Variants in GRIN3A observed in about 807,000 individuals in gnomAD.
The protein encoded by GRIN3A is glutamate receptor ionotropic, NMDA 3A.
In GRIN3A, 47 loss-of-function variants were observed where a neutral mutation model predicts 92.4. The observed-to-expected ratio is 0.51, with a 90% CI of 0.40 to 0.65. The LOEUF (loss-of-function observed/expected upper bound fraction) is 0.65. Ranked by LOEUF, GRIN3A falls within the 30% of genes least tolerant of loss-of-function variation. GRIN3A has a pLI of 0.00. For missense variants in GRIN3A, 1,324 were observed against 1,393.1 expected (o/e 0.95, Z 0.79); for synonymous variants, 527 against 540.6 (o/e 0.97, Z 0.35).
At chr9:101,574,853 GC>G (rs1021412088) in intron 8 of GRIN3A, among the ~76,000 whole-genome samples, 3 of 152,174 alleles carry the variant, frequency 2.0e-5, no homozygotes, top group Non-Finnish European at 2.9e-5. Context: ...AGAATGGCCT[GC>G]TGCATGATGG....
intron 6 of GRIN3A, among the ~76,000 whole-genome samples, chr9:101,610,673 T>G (rs1412096621): frequency 6.6e-6 from 1 of 152,192 alleles, no homozygotes; most frequent in Non-Finnish European, 1.5e-5. Context: ...GTCTATCATC[T>G]ATCTGTATTA....
chr9:101,737,031 C>T (rs951298070), intron 1 of GRIN3A, among the ~76,000 whole-genome samples: 1 of 152,036 alleles, frequency 6.6e-6, no homozygotes, highest in South Asian at 2.1e-4. Flanking sequence ...TCATATTCTC[C>T]CCACTTCTTT....
intron 3 of GRIN3A, among the ~76,000 whole-genome samples, chr9:101,648,950 A>C (rs929074586): frequency 6.6e-6 from 1 of 152,020 alleles, no homozygotes; most frequent in Non-Finnish European, 1.5e-5. Flanking sequence ...ACTGGAACTA[A>C]AACATTGCAT....
rs1828397549 is a variant in GRIN3A at position 101,613,515 on chromosome 9, C to T, written c.2627G>A (p.Gly876Asp). ...KPFAIEGYGIGLPPNSPLTAN... is the reference protein window; with the variant it reads ...KPFAIEGYGIDLPPNSPLTAN... ...GGTCAATGGAGAGTTGGGTGGGAGGCCAATGCCGTATCCTAGAAGAAAATA... is the reference window on the plus strand; with the variant it reads ...GGTCAATGGAGAGTTGGGTGGGAGGTCAATGCCGTATCCTAGAAGAAAATA... The change falls in exon 6 of 9, where the codon GGC (glycine) becomes GAC (aspartate). Residue 876 changes from glycine to aspartate, a missense_variant. Transcript: ENST00000361820. 1 of 1,613,978 alleles carries T rather than the reference C, an allele frequency of 6.2e-7. No homozygotes were observed. The highest frequency in any genetic ancestry group is 1.3e-5 in the African/African-American group (1 of 74,890).
Position 101,687,101 on chromosome 9 carries a change from A to C in GRIN3A, c.799T>G (p.Leu267Val), listed in dbSNP as rs762852062. 5 of 1,614,086 alleles carry C rather than the reference A, an allele frequency of 3.1e-6. No individual in the cohort carries two copies. ...LTMNNWYNFS[L>V]LLCQEDWNIT... ...TTCCAGTCTTCCTGGCACAGCAACAAGCTAAAATTGTACCAGTTGTTCATG... is the reference window on the plus strand; with the variant it reads ...TTCCAGTCTTCCTGGCACAGCAACACGCTAAAATTGTACCAGTTGTTCATG... Residue 267 changes from leucine to valine, a missense_variant, in exon 2 of 9, where the codon TTG (leucine) becomes GTG (valine). By Grantham distance (32) the Leu-to-Val change is conservative (BLOSUM62 1). Coordinates refer to ENST00000361820, the MANE Select transcript of GRIN3A (RefSeq NM_133445.3).
At chr9:101,664,340 T>C (rs1423666600) in intron 3 of GRIN3A, among the ~76,000 whole-genome samples, 1 of 151,996 alleles carries the variant, frequency 6.6e-6, no homozygotes, top group African/African-American at 2.4e-5. Context: ...TAAGTTCTAT[T>C]AAATATATCA....
intron 4 of GRIN3A, among the ~76,000 whole-genome samples, chr9:101,627,948 G>A (rs111422513): frequency 2.0e-5 from 3 of 152,162 alleles, no homozygotes; most frequent in Non-Finnish European, 4.4e-5. Context: ...CAGCACCATT[G>A]TATTCTCAAG....
chr9:101,701,998 A>T (rs1829762146), intron 1 of GRIN3A, among the ~76,000 whole-genome samples: 1 of 151,586 alleles, frequency 6.6e-6, no homozygotes. Context: ...AGATTTGTGT[A>T]TACTTAAAAT....
At chr9:101,721,819 C>T (rs1410792237) in intron 1 of GRIN3A, among the ~76,000 whole-genome samples, 1 of 152,106 alleles carries the variant, frequency 6.6e-6, no homozygotes, top group African/African-American at 2.4e-5. Context: ...GCAAAGCATT[C>T]GAAAGGTGAC....
At chr9:101,635,083 A>G (rs1828767929) in intron 3 of GRIN3A, among the ~76,000 whole-genome samples, 1 of 152,166 alleles carries the variant, frequency 6.6e-6, no homozygotes, top group Non-Finnish European at 1.5e-5. Flanking sequence ...CTCCATTTAA[A>G]TTTAAGCAGT....
intron 1 of GRIN3A, among the ~76,000 whole-genome samples, chr9:101,731,540 A>G (rs1830139571): frequency 6.6e-6 from 1 of 152,176 alleles, no homozygotes; most frequent in Admixed American, 6.5e-5. Context: ...ATTCTCTACC[A>G]CATGAACCCT....
At chr9:101,589,488 T>C (rs919001759) in intron 6 of GRIN3A, among the ~76,000 whole-genome samples, 1 of 152,226 alleles carries the variant, frequency 6.6e-6, no homozygotes, top group Non-Finnish European at 1.5e-5. Flanking sequence ...TTTTCCTGTT[T>C]TAAATATTGT....
At chr9:101,593,486 C>G (rs1320296832) in intron 6 of GRIN3A, 1 of 152,248 alleles carries the variant, frequency 6.6e-6, no homozygotes, top group African/African-American at 2.4e-5. Context: ...CTTTGGCATC[C>G]TAGGGAGATT....
intron 8 of GRIN3A, among the ~76,000 whole-genome samples, chr9:101,576,728 ATGAT>A (rs1039980159): frequency 6.6e-6 from 1 of 152,172 alleles, no homozygotes; most frequent in Non-Finnish European, 1.5e-5. Context: ...CACTTGCAAT[ATGAT>A]GCAGGAATAC....
Position 101,570,206 on chromosome 9 carries a change from C to T in GRIN3A, c.*2968G>A, listed in dbSNP as rs1827739202. On this transcript the variant is annotated 3_prime_UTR_variant, in exon 9 of 9. Coordinates refer to ENST00000361820, the MANE Select transcript of GRIN3A (RefSeq NM_133445.3). ...CACGAACCAGGTAGCTATATCTGTT[C>T]CAGCTCATCTGAGCATGCTTTATCA... The T allele has an allele frequency of 6.6e-6, 1 of 152,134 alleles. No homozygotes were observed. 9.4% of individuals were successfully genotyped at this position (152,134 alleles called of 1,614,324 possible).
chr9:101,629,286 T>C (rs1221653042), intron 3 of GRIN3A, among the ~76,000 whole-genome samples: 1 of 151,998 alleles, frequency 6.6e-6, no homozygotes, highest in East Asian at 1.9e-4. Flanking sequence ...CACACACACA[T>C]ACGCACATGC....
At chr9:101,646,175 T>A (rs1828934826) in intron 3 of GRIN3A, among the ~76,000 whole-genome samples, 1 of 151,904 alleles carries the variant, frequency 6.6e-6, no homozygotes, top group Non-Finnish European at 1.5e-5. Context: ...CATTTCCCAA[T>A]GTTTTTTTCT....
chr9:101,719,099 T>G (rs2119025050), intron 1 of GRIN3A, among the ~76,000 whole-genome samples: 1 of 152,264 alleles, frequency 6.6e-6, no homozygotes, highest in South Asian at 2.1e-4. Context: ...ACCGATTCTC[T>G]TTCTGACAGA....
chr9:101,685,356 A>G (rs1393830164), intron 2 of GRIN3A, among the ~76,000 whole-genome samples: 4 of 103,354 alleles, frequency 3.9e-5, no homozygotes. Flanking sequence ...GTTGCCCATT[A>G]TCATGTCTTT....
Sources: gnomAD v4.1 joint callset for allele counts (sites outside exome capture counted in the v4.1 genomes callset) on GRCh38, gnomAD v4.1.1 for gene constraint, MANE v1.5 for transcripts, NCBI Gene and HGNC (gene_info 2026-07-23, HGNC 2026-07-21) for gene names.